KIF2A: variants seen among roughly 807,000 people sequenced by gnomAD.
KIF2A encodes kinesin-like protein KIF2A.
KIF2A carries 22 observed loss-of-function variants against 100.2 expected under a neutral mutation model. The ratio of observed to expected loss-of-function variants is 0.22; its 90% CI spans 0.16 to 0.31. The LOEUF is 0.31. Ranked by LOEUF, KIF2A falls within the 10% of genes least tolerant of loss-of-function variation. The probability of loss-of-function intolerance (pLI) is 1.00; values close to 1 mark genes in which losing one functional copy is unlikely to be tolerated. For synonymous variants in KIF2A, 268 were observed against 285.9 expected, an observed-to-expected ratio of 0.94 and a Z score of 0.63; for missense variants, 495 against 898.7, an observed-to-expected ratio of 0.55 and a Z score of 5.74.
Position 62,372,566 on chromosome 5 carries a change from AT to A in KIF2A, c.1760+16del, listed in dbSNP as rs758792420. The A allele has an allele frequency of 6.2e-6, 8 of 1,293,908 alleles. No individual in the cohort carries two copies. The Admixed American group carries it at 7.3e-5, about 12-fold the overall frequency. 80.2% of individuals were successfully genotyped at this position (1,293,908 alleles called of 1,614,324 possible). On this transcript the variant is annotated intron_variant, in intron 17 of 20. Coordinates refer to ENST00000407818, the MANE Select transcript of KIF2A (RefSeq NM_001098511.3). ...TCAGTTACCAGGTCTACTTCATTCT[AT>A]ACATAAGATGTTTATTTGTATACTT...
chr5:62,345,790 A>T (rs1290813115), intron 1 of KIF2A, among the ~76,000 whole-genome samples: 1 of 152,186 alleles, frequency 6.6e-6, no homozygotes, highest in African/African-American at 2.4e-5. Context: ...GGAGCTATAA[A>T]TTATCTTAAG....
At chr5:62,356,064 C>T (rs1561270311) in intron 7 of KIF2A, among the ~76,000 whole-genome samples, 4 of 151,878 alleles carry the variant, frequency 2.6e-5, no homozygotes. Context: ...TGTAATCATG[C>T]CTGGGATTAT....
At chr5:62,326,032 A>G (rs1746359366) in intron 1 of KIF2A, among the ~76,000 whole-genome samples, 1 of 152,058 alleles carries the variant, frequency 6.6e-6, no homozygotes, top group African/African-American at 2.4e-5. Context: ...TCTGCTCACT[A>G]CCTGGGTGAT....
chr5:62,354,240 G>C (rs1747990015), intron 6 of KIF2A, among the ~76,000 whole-genome samples: 1 of 152,080 alleles, frequency 6.6e-6, no homozygotes, highest in Non-Finnish European at 1.5e-5. Flanking sequence ...TAGCATAGAT[G>C]CCACCTGGTG....
chr5:62,362,530 T>C lies in KIF2A; in HGVS notation c.1108T>C (p.Tyr370His). Reference sequence around the variant, plus strand: ...AGTATATGCAACCTTCTTTGAAATTTATAGTGGAAAGGTAAGTGGGAACTT... The same window carrying C: ...AGTATATGCAACCTTCTTTGAAATTCATAGTGGAAAGGTAAGTGGGAACTT... ...LQVYATFFEI[Y>H]SGKVFDLLNR... Residue 370 changes from tyrosine to histidine, a missense_variant, in exon 12 of 21, where the codon TAT (tyrosine) becomes CAT (histidine). Transcript: ENST00000407818. 7.0e-7 allele frequency: 1 copy of C among 1,420,604 alleles called. No individual in the cohort carries two copies. The highest frequency in any genetic ancestry group is 9.2e-7 in the Non-Finnish European group (1 of 1,081,550). 88.0% of individuals were successfully genotyped at this position (1,420,604 alleles called of 1,614,324 possible).
chr5:62,331,785 G>C (rs892714971), intron 1 of KIF2A, among the ~76,000 whole-genome samples: 2 of 149,032 alleles, frequency 1.3e-5, no homozygotes, highest in Admixed American at 6.7e-5. Context: ...ACAACATAGA[G>C]TTTGTAATCC....
chr5:62,371,050 T>C (rs1161447717), intron 16 of KIF2A, among the ~76,000 whole-genome samples: 1 of 152,078 alleles, frequency 6.6e-6, no homozygotes, highest in Admixed American at 6.6e-5. Context: ...GAGGATCACT[T>C]GAGTCCAGGA....
intron 1 of KIF2A, among the ~76,000 whole-genome samples, chr5:62,334,752 G>A (rs145703671): frequency 2.7e-4 from 41 of 152,194 alleles, no homozygotes; most frequent in African/African-American, 9.4e-4. Context: ...ATCGTTCAGG[G>A]TGTCCCCCTG....
chr5:62,338,380 C>T (rs1747088669), intron 1 of KIF2A, among the ~76,000 whole-genome samples: 2 of 152,142 alleles, frequency 1.3e-5, no homozygotes, highest in South Asian at 2.1e-4. Flanking sequence ...CCTCTGCCTC[C>T]CGGGCTCAAG....
intron 1 of KIF2A, among the ~76,000 whole-genome samples, chr5:62,314,160 G>T (rs78281867): frequency 0.015 from 2,244 of 152,122 alleles, 58 homozygotes; most frequent in African/African-American, 0.051. Flanking sequence ...GATATCCTGG[G>T]TTTGGGTACT....
intron 16 of KIF2A, among the ~76,000 whole-genome samples, chr5:62,369,777 C>T (rs1449582198): frequency 6.6e-6 from 1 of 151,952 alleles, no homozygotes; most frequent in African/African-American, 2.4e-5. Context: ...GGTGGCATTA[C>T]ATTAAAATTT....
intron 19 of KIF2A, among the ~76,000 whole-genome samples, chr5:62,378,630 G>A (rs1741645280): frequency 6.6e-6 from 1 of 152,074 alleles, no homozygotes. Context: ...AAAACTATTA[G>A]AGTTTGGCCA....
chr5:62,361,360 G>T (rs374453293), intron 10 of KIF2A, 28 bp downstream of exon 10: 41 of 1,518,610 alleles, frequency 2.7e-5, no homozygotes, highest in Non-Finnish European at 3.2e-5. Flanking sequence ...GTTACATTCT[G>T]GTACGAAGCT....
intron 16 of KIF2A, among the ~76,000 whole-genome samples, chr5:62,369,706 T>C (rs915212450): frequency 6.6e-6 from 1 of 152,114 alleles, no homozygotes. Context: ...AAATAATTCA[T>C]TCCTCCTTTA....
At position 62,377,751 on chromosome 5, in the gene KIF2A, G is replaced by A; in HGVS notation, c.2002G>A (p.Ala668Thr). Residue 668 changes from alanine (A) to threonine (T), a missense_variant, in exon 19 of 21, where the codon GCA (alanine) becomes ACA (threonine). Physicochemically the swap from Ala to Thr is moderately conservative, Grantham distance 58. Around this residue, in one of 10 missense-constraint regions of KIF2A, gnomAD observed 58 missense variants for 94.8 expected, o/e 0.61. Coordinates refer to ENST00000407818, the MANE Select transcript of KIF2A (RefSeq NM_001098511.3). ...AGAACAAGTTGTAGAAGATCACAGGGCAGTGTTCCAGGTAAAGTAAGACAG... is the reference window on the plus strand; with the variant it reads ...AGAACAAGTTGTAGAAGATCACAGGACAGTGTTCCAGGTAAAGTAAGACAG... ...MEEQVVEDHR[A>T]VFQESIRWLE... 3 of 1,529,730 alleles carry A rather than the reference G, an allele frequency of 2.0e-6. No homozygotes were observed. Among genetic ancestry groups the A allele is most frequent in the Non-Finnish European group, 2.7e-6 (3 of 1,128,500 alleles). The allele number at this position is 1,529,730 out of a possible 1,614,324, so 94.8% of individuals were successfully genotyped here.
At chr5:62,369,165 T>C (rs1340700747) in intron 16 of KIF2A, among the ~76,000 whole-genome samples, 1 of 152,266 alleles carries the variant, frequency 6.6e-6, no homozygotes, top group African/African-American at 2.4e-5. Context: ...CCTACTGTTA[T>C]ATCATGTAAC....
At chr5:62,378,249 C>T (rs1317285916) in intron 19 of KIF2A, among the ~76,000 whole-genome samples, 1 of 152,102 alleles carries the variant, frequency 6.6e-6, no homozygotes, top group East Asian at 1.9e-4. Flanking sequence ...AGCAGTAACT[C>T]CTTAGGCATT....
intron 1 of KIF2A, among the ~76,000 whole-genome samples, chr5:62,310,689 G>C (rs13182011): frequency 0.04 from 6,138 of 152,218 alleles, 191 homozygotes; most frequent in South Asian, 0.091. Flanking sequence ...AGTGACAGGG[G>C]TTAGGCTTGG....
At chr5:62,352,821 C>T in intron 5 of KIF2A, 111 bp downstream of exon 5, 1 of 771,396 alleles carries the variant, frequency 1.3e-6, no homozygotes, top group Non-Finnish European at 1.9e-6. Context: ...AGCTTGATTG[C>T]AGATTTCATT....
Sources: allele counts gnomAD v4.1 joint callset (sites outside exome capture counted in the v4.1 genomes callset), GRCh38; gene constraint gnomAD v4.1.1; regional missense constraint gnomAD v4.1.1; transcripts MANE v1.5; gene names NCBI Gene and HGNC (gene_info 2026-07-23, HGNC 2026-07-21).